Variants in MAML3 observed in about 807,000 individuals in gnomAD.
MAML3 encodes the protein mastermind-like protein 3.
A neutral mutation model predicts 101.9 loss-of-function variants in MAML3; 27 were observed. The ratio of observed to expected loss-of-function variants is 0.27; its 90% confidence interval spans 0.20 to 0.37. The LOEUF is 0.37. Among genes scored for constraint, MAML3 ranks in the 10% least tolerant of loss-of-function variants. The pLI is 1.00. For synonymous variants in MAML3, 501 were observed against 555.9 expected (o/e 0.90, Z 1.39); for missense variants, 1,316 against 1,444.9 (o/e 0.91, Z 1.45).
chr4:139,723,478 T>C (rs1220734347), intron 4 of MAML3, among the ~76,000 whole-genome samples: 1 of 152,080 alleles, frequency 6.6e-6, no homozygotes, highest in Non-Finnish European at 1.5e-5. Context: ...GCCTGGCTAA[T>C]TTTTTGTATT....
chr4:140,104,854 ATT>A (rs35639523), intron 1 of MAML3, among the ~76,000 whole-genome samples: 1 of 151,764 alleles, frequency 6.6e-6, no homozygotes, highest in Admixed American at 6.6e-5. Context: ...TAAAACTTTA[ATT>A]TTTTTTAAAC....
intron 2 of MAML3, among the ~76,000 whole-genome samples, chr4:139,864,087 A>G (rs1383731425): frequency 5.3e-5 from 8 of 152,216 alleles, no homozygotes; most frequent in Non-Finnish European, 1.0e-4. Context: ...ATTTTTCACC[A>G]TAGGTGTCAA....
chr4:140,011,386 G>A (rs1478428942), intron 1 of MAML3, among the ~76,000 whole-genome samples: 1 of 135,726 alleles, frequency 7.4e-6, no homozygotes, highest in Non-Finnish European at 1.6e-5. Context: ...CGCCCAGGCC[G>A]GACTGCGGAC....
At chr4:139,894,119 G>C (rs919783151) in intron 1 of MAML3, among the ~76,000 whole-genome samples, 1 of 152,182 alleles carries the variant, frequency 6.6e-6, no homozygotes, top group African/African-American at 2.4e-5. Flanking sequence ...CAGGCCTCTA[G>C]AGGAGCACCA....
Position 139,720,313 on chromosome 4 carries a change from C to T in MAML3, c.2427G>A (p.Gln809=), listed in dbSNP as rs369846668. Residue 809 remains glutamine (Q), a synonymous_variant, in exon 5 of 5, where the codon CAG becomes CAA. Transcript: ENST00000509479. ...CTTGGCTTCTTACGGCTGCTATATC[C>T]TGGGGAGAACCTGCAGTGAAAAAGA... ...QQVNQFQGSP[Q]DIAAVRSQAA... is the part of the protein sequence containing the mutation. 5.2e-6 allele frequency: 8 copies of T among 1,531,886 alleles called. No homozygotes were observed. The African/African-American group carries it at 8.3e-5, about 16-fold the overall frequency. The allele number at this position is 1,531,886 out of a possible 1,614,324, so 94.9% of individuals were successfully genotyped here.
intron 1 of MAML3, among the ~76,000 whole-genome samples, chr4:140,032,079 G>T (rs1015701159): frequency 6.6e-6 from 1 of 152,080 alleles, no homozygotes; most frequent in Non-Finnish European, 1.5e-5. Context: ...ACTCTACTTA[G>T]CCTTAAATTT....
chr4:140,070,973 C>T (rs1232156932), intron 1 of MAML3, among the ~76,000 whole-genome samples: 3 of 152,188 alleles, frequency 2.0e-5, no homozygotes, highest in Middle Eastern at 3.2e-3. Context: ...CTGGGGTCTT[C>T]GTGGGCACTG....
intron 1 of MAML3, among the ~76,000 whole-genome samples, chr4:139,896,131 G>A (rs1193207256): frequency 6.6e-6 from 1 of 152,142 alleles, no homozygotes; most frequent in Non-Finnish European, 1.5e-5. Flanking sequence ...GAGGGAGGCG[G>A]AGAGGGAGAC....
At chr4:139,811,000 C>G (rs1204328784) in intron 2 of MAML3, among the ~76,000 whole-genome samples, 2 of 152,178 alleles carry the variant, frequency 1.3e-5, no homozygotes, top group Non-Finnish European at 2.9e-5. Context: ...GTAAGGCCAG[C>G]AGTGAAGATG....
intron 2 of MAML3, among the ~76,000 whole-genome samples, chr4:139,825,852 T>A (rs866847774): frequency 6.6e-6 from 1 of 151,896 alleles, no homozygotes; most frequent in African/African-American, 2.4e-5. Flanking sequence ...GAACAATAGA[T>A]AACCAGTCAG....
chr4:139,864,862 G>C (rs1731863041), intron 2 of MAML3, among the ~76,000 whole-genome samples: 1 of 134,414 alleles, frequency 7.4e-6, no homozygotes, highest in Non-Finnish European at 1.5e-5. Flanking sequence ...CTAGTAAGCT[G>C]ATCAGAAAAA....
chr4:140,061,906 G>A (rs775884342), intron 1 of MAML3, among the ~76,000 whole-genome samples: 12 of 152,174 alleles, frequency 7.9e-5, no homozygotes, highest in Non-Finnish European at 1.5e-4. Context: ...CATTGAATCA[G>A]ACAGTTGGTG....
chr4:140,072,062 C>T (rs974534119), intron 1 of MAML3, among the ~76,000 whole-genome samples: 1 of 152,176 alleles, frequency 6.6e-6, no homozygotes, highest in Non-Finnish European at 1.5e-5. Flanking sequence ...CACCCAGACA[C>T]TTCCGGCTTT....
At chr4:139,935,634 G>GGTTTTTTT (rs1733492535) in intron 1 of MAML3, among the ~76,000 whole-genome samples, 1 of 132,472 alleles carries the variant, frequency 7.5e-6, no homozygotes, top group Non-Finnish European at 1.6e-5. Context: ...GCTTTCCTAG[G>GGTTTTTTT]GTTTTTTTGT....
At chr4:140,085,770 A>C (rs1244567357) in intron 1 of MAML3, among the ~76,000 whole-genome samples, 2 of 152,230 alleles carry the variant, frequency 1.3e-5, no homozygotes, top group Non-Finnish European at 2.9e-5. Context: ...ATAAAGAATA[A>C]GACACCCAAA....
At chr4:139,810,743 G>A (rs1160388605) in intron 2 of MAML3, among the ~76,000 whole-genome samples, 1 of 152,180 alleles carries the variant, frequency 6.6e-6, no homozygotes, top group Non-Finnish European at 1.5e-5. Context: ...TAAAAATCAA[G>A]TGAATTTAAA....
chr4:140,052,211 T>G (rs554850843), intron 1 of MAML3, among the ~76,000 whole-genome samples: 1 of 152,328 alleles, frequency 6.6e-6, no homozygotes, highest in African/African-American at 2.4e-5. Flanking sequence ...TCTAATGTTT[T>G]AGCACTAAAA....
chr4:139,734,880 G>C (rs1190391147), intron 2 of MAML3, among the ~76,000 whole-genome samples: 2 of 152,262 alleles, frequency 1.3e-5, no homozygotes, highest in Non-Finnish European at 2.9e-5. Context: ...GGGACCCCGT[G>C]GATAACGGGC....
intron 1 of MAML3, among the ~76,000 whole-genome samples, chr4:139,918,887 C>T (rs574076184): frequency 1.8e-4 from 27 of 152,154 alleles, no homozygotes; most frequent in South Asian, 1.0e-3. Context: ...CAGAGTACCG[C>T]GCATACCTCA....
Sources: gnomAD v4.1 joint callset for allele counts (sites outside exome capture counted in the v4.1 genomes callset) on GRCh38, gnomAD v4.1.1 for gene constraint, MANE v1.5 for transcripts, NCBI Gene and HGNC (gene_info 2026-07-23, HGNC 2026-07-21) for gene names.